Variants in TNS3 observed in about 807,000 individuals in gnomAD.
TNS3 encodes tensin-3.
Under a neutral mutation model 140.9 loss-of-function variants are expected in TNS3, and 45 were observed. The ratio of observed to expected loss-of-function variants is 0.32; its 90% CI spans 0.25 to 0.41. The LOEUF (loss-of-function observed/expected upper bound fraction) is 0.41, where lower values mean the gene tolerates loss of function less well. Among genes scored for constraint, TNS3 ranks in the 10% least tolerant of loss-of-function variants. The probability of loss-of-function intolerance (pLI) is 1.00; values close to 1 mark genes in which losing one functional copy is unlikely to be tolerated. For missense variants in TNS3, 1,716 were observed against 1,906.7 expected (o/e 0.90, Z 1.86); for synonymous variants, 815 against 788.4 (o/e 1.03, Z -0.56).
chr7:47,278,665 CCTGTCTGGA>C (rs1194841471), intron 30 of TNS3: 1 of 157,822 alleles, frequency 6.3e-6, no homozygotes, highest in Admixed American at 6.3e-5. Flanking sequence ...GAATGCAAGT[CCTGTCTGGA>C]CTTCGACACT....
intron 1 of TNS3, among the ~76,000 whole-genome samples, chr7:47,550,295 T>C (rs1389470504): frequency 1.3e-5 from 2 of 152,224 alleles, no homozygotes; most frequent in Non-Finnish European, 1.5e-5. Context: ...CATGGTTCCA[T>C]GGCCAGCAAT....
intron 2 of TNS3, among the ~76,000 whole-genome samples, chr7:47,515,452 ACAT>A (rs1456550412): frequency 6.6e-6 from 1 of 152,096 alleles, no homozygotes; most frequent in Admixed American, 6.5e-5. Flanking sequence ...GCTGTCATCA[ACAT>A]CATCATCACC....
intron 17 of TNS3, among the ~76,000 whole-genome samples, chr7:47,355,775 C>G (rs1251875185): frequency 6.6e-6 from 1 of 152,178 alleles, no homozygotes; most frequent in Admixed American, 6.5e-5. Context: ...TGACCCTGAG[C>G]TGTGATTCTG....
chr7:47,473,377 T>C (rs1271569929), intron 4 of TNS3, among the ~76,000 whole-genome samples: 5 of 152,178 alleles, frequency 3.3e-5, no homozygotes, highest in East Asian at 1.9e-4. Flanking sequence ...ATTGACCTAA[T>C]AGAACTCAAT....
intron 2 of TNS3, among the ~76,000 whole-genome samples, chr7:47,518,835 C>G (rs1188943911): frequency 6.6e-6 from 1 of 152,194 alleles, no homozygotes; most frequent in African/African-American, 2.4e-5. Context: ...AACTGAAGCA[C>G]AGAGAGGCAG....
At chr7:47,525,419 C>T (rs1799157304) in intron 2 of TNS3, among the ~76,000 whole-genome samples, 1 of 152,234 alleles carries the variant, frequency 6.6e-6, no homozygotes. Context: ...ACTGCATCTT[C>T]CTTAACAACC....
intron 1 of TNS3, chr7:47,581,670 C>T (rs1023651684): frequency 1.3e-5 from 2 of 152,618 alleles, no homozygotes; most frequent in Non-Finnish European, 2.9e-5. Context: ...AGCCAGTCAG[C>T]GCCCCCGTCC....
chr7:47,452,565 C>G (rs985554513), intron 4 of TNS3, among the ~76,000 whole-genome samples: 1 of 152,182 alleles, frequency 6.6e-6, no homozygotes, highest in Non-Finnish European at 1.5e-5. Flanking sequence ...GCCTCCCTGG[C>G]CAGGAGCTCA....
chr7:47,391,216 G>A (rs769178809), intron 16 of TNS3, among the ~76,000 whole-genome samples: 4 of 152,168 alleles, frequency 2.6e-5, no homozygotes, highest in Non-Finnish European at 5.9e-5. Context: ...TCCTTGGATT[G>A]TACAGGCAAA....
intron 1 of TNS3, among the ~76,000 whole-genome samples, chr7:47,573,417 C>A (rs1397917057): frequency 6.6e-6 from 1 of 152,198 alleles, no homozygotes; most frequent in African/African-American, 2.4e-5. Flanking sequence ...CTCAAATCTA[C>A]AAGCGCCATG....
chr7:47,512,837 G>A (rs916673802), intron 2 of TNS3, among the ~76,000 whole-genome samples: 2 of 152,226 alleles, frequency 1.3e-5, no homozygotes, highest in Admixed American at 6.5e-5. Flanking sequence ...TAAAATATCA[G>A]AGAACATCTT....
Position 47,524,674 on chromosome 7 carries a change from C to T in TNS3, c.-153+4362G>A, listed in dbSNP as rs1016215302. Among the ~76,000 whole-genome samples the T allele has an allele frequency of 2.1e-4, 32 of 149,546 alleles. No homozygotes were observed. In the East Asian group the frequency reaches 4.1e-3, roughly 19 times the overall value. On this transcript the variant is annotated intron_variant, in intron 2 of 30. Transcript: ENST00000311160. ...AAAATTAGCCGGGCGCGGTGGCGGG[C>T]GCCTGTAGTCCCAGCTACTCGGGAG... is the stretch of plus-strand genomic sequence containing the variant.
At chr7:47,319,900 A>T (rs1247421402) in intron 20 of TNS3, among the ~76,000 whole-genome samples, 4 of 152,178 alleles carry the variant, frequency 2.6e-5, no homozygotes, top group Non-Finnish European at 4.4e-5. Flanking sequence ...GTCCCTAACC[A>T]GGCGTTGCCA....
intron 2 of TNS3, among the ~76,000 whole-genome samples, chr7:47,515,162 T>C (rs1798738868): frequency 6.6e-6 from 1 of 152,214 alleles, no homozygotes; most frequent in African/African-American, 2.4e-5. Context: ...TTTTAAAAGA[T>C]GAAATGTTTT....
At chr7:47,428,615 G>A in intron 8 of TNS3, among the ~76,000 whole-genome samples, 1 of 152,212 alleles carries the variant, frequency 6.6e-6, no homozygotes, top group East Asian at 1.9e-4. Context: ...TGGAGCAGCT[G>A]TAGAAGCCCA....
At chr7:47,524,559 T>C (rs983688037) in intron 2 of TNS3, among the ~76,000 whole-genome samples, 1 of 150,998 alleles carries the variant, frequency 6.6e-6, no homozygotes, top group Non-Finnish European at 1.5e-5. Flanking sequence ...TCCCAGCACT[T>C]TGGGAGGCCG....
At position 47,304,115 on chromosome 7, in the gene TNS3, C is replaced by T. The variant is rs539240803; in HGVS notation, c.2823-531G>A. 8.0e-4 allele frequency among the ~76,000 whole-genome samples: 122 copies of T among 152,342 alleles called. 1 individual carries two copies. The highest frequency in any genetic ancestry group is 2.5e-3 in the African/African-American group (106 of 41,582). The stretch of plus-strand genomic sequence containing the variant: ...GGTTCACTGTGGGTCCCCTCCTCCT[C>T]GCAGCATGATCCCTCTGCCCCATCT... On this transcript the variant is annotated intron_variant, in intron 21 of 30. Transcript: ENST00000311160.
At chr7:47,416,582 A>C (rs1264332614) in intron 10 of TNS3, among the ~76,000 whole-genome samples, 1 of 152,148 alleles carries the variant, frequency 6.6e-6, no homozygotes, top group Non-Finnish European at 1.5e-5. Flanking sequence ...GAACAGGGCA[A>C]AACCTCACAA....
intron 1 of TNS3, among the ~76,000 whole-genome samples, chr7:47,557,769 T>C (rs1800233664): frequency 6.6e-6 from 1 of 152,092 alleles, no homozygotes; most frequent in South Asian, 2.1e-4. Context: ...TGGGAGGAGG[T>C]AGGGAGGCCA....
Sources: allele counts gnomAD v4.1 joint callset (sites outside exome capture counted in the v4.1 genomes callset), GRCh38; gene constraint gnomAD v4.1.1; transcripts MANE v1.5; gene names NCBI Gene and HGNC (gene_info 2026-07-23, HGNC 2026-07-21).